Variants in EML2 observed in about 807,000 individuals in gnomAD.
EML2 encodes EMAP like 2.
Under a neutral mutation model 84.7 loss-of-function variants are expected in EML2, and 59 were observed. The ratio of observed to expected loss-of-function variants is 0.70; its 90% CI spans 0.56 to 0.86. The LOEUF is 0.86. Among genes scored for constraint, EML2 ranks in the 40% least tolerant of loss-of-function variants. EML2 has a pLI of 0.00. For missense variants in EML2, 818 were observed against 855.6 expected (o/e 0.96, Z 0.55); for synonymous variants, 352 against 348.9 (o/e 1.01, Z -0.10).
chr19:45,630,091 G>A (rs1972843828), intron 6 of EML2, 45 bp from the exon 7 acceptor site: 1 of 1,442,836 alleles, frequency 6.9e-7, no homozygotes, highest in Non-Finnish European at 9.7e-7. Context: ...AGGGGAGTCA[G>A]GGCCCATCCT....
In EML2 at chr19:45,616,787, G is replaced by C; in HGVS notation, c.1389C>G (p.Ile463Met). ...VAIHTDGNEQ[I>M]SVVSFSPDGA... ...TACCTGGGGAGAAGCTGACCACTGA[G>C]ATCTGTTCATTGCCGTCTGTGTGGA... is the stretch of plus-strand genomic sequence containing the variant. The change falls in exon 14 of 19, where the codon ATC becomes ATG. Residue 463 changes from isoleucine (I) to methionine (M), a missense_variant. Transcript: ENST00000245925. 6.2e-7 allele frequency: 1 copy of C among 1,613,346 alleles called. No individual in the cohort carries two copies. The highest frequency in any genetic ancestry group is 8.5e-7 in the Non-Finnish European group (1 of 1,179,900).
At chr19:45,632,740 A>C in intron 6 of EML2, 121 bp downstream of exon 6, 1 of 808,296 alleles carries the variant, frequency 1.2e-6, no homozygotes, top group Non-Finnish European at 2.0e-6. Flanking sequence ...GACGTCACAG[A>C]GGCGGGCCAC....
intron 9 of EML2, among the ~76,000 whole-genome samples, 192 bp from the exon 10 acceptor site, chr19:45,621,829 C>G (rs1186908321): frequency 6.6e-6 from 1 of 151,930 alleles, no homozygotes; most frequent in Admixed American, 6.6e-5. Flanking sequence ...ACTTCAGCCT[C>G]TGCCTCTTGG....
At chr19:45,618,146 C>G (rs1971291870) in intron 12 of EML2, among the ~76,000 whole-genome samples, 2 of 152,108 alleles carry the variant, frequency 1.3e-5, no homozygotes. Flanking sequence ...TCACTACAAC[C>G]TCCGCCTCCT....
intron 17 of EML2, among the ~76,000 whole-genome samples, chr19:45,614,348 C>G (rs544489001): frequency 6.6e-6 from 1 of 152,326 alleles, no homozygotes; most frequent in East Asian, 1.9e-4. Flanking sequence ...TTCATTCGTG[C>G]CTGAATGAAT....
At chr19:45,643,439 C>A, upstream of EML2, 1 of 1,036,120 alleles carries the variant, frequency 9.7e-7, no homozygotes. Context: ...TACCCCGCGC[C>A]CCAGATTTGG....
At chr19:45,630,595 CA>C (rs1972918613) in intron 6 of EML2, among the ~76,000 whole-genome samples, 2 of 150,054 alleles carry the variant, frequency 1.3e-5, no homozygotes, top group African/African-American at 4.9e-5. Flanking sequence ...GGCCATTTTG[CA>C]GGAAACACAT....
chr19:45,626,662 CCTCT>C (rs1276760346), intron 8 of EML2, 39 bp downstream of exon 8: 2 of 1,580,320 alleles, frequency 1.3e-6, no homozygotes, highest in Admixed American at 1.7e-5. Flanking sequence ...TCCCTAACTA[CCTCT>C]CTCAGGGCCA....
At position 45,621,615 on chromosome 19, in the gene EML2, C is replaced by T. The variant is rs199582284; in HGVS notation, c.864G>A (p.Ala288=). 1.8e-4 allele frequency: 289 copies of T among 1,609,124 alleles called. No homozygotes were observed. Among genetic ancestry groups the T allele is most frequent in the Non-Finnish European group, 2.1e-4 (252 of 1,179,718 alleles). The stretch of plus-strand genomic sequence containing the variant: ...CGCCGCCGTCGTGGGCGCCCAGCAC[C>T]GCCTGTGTGATACGGTTCCCACCTG... ...WGKGGNRITQ[A]VLGAHDGGVF... The change falls in exon 10 of 19, where the codon GCG becomes GCA. Residue 288 remains alanine (A), a synonymous_variant. Transcript: ENST00000245925.
At chr19:45,642,605 C>T (rs1331996806), upstream of EML2, 3 of 1,152,166 alleles carry the variant, frequency 2.6e-6, no homozygotes, top group East Asian at 3.3e-5. Context: ...GGGGAAGTCC[C>T]TTCCCTCTTA....
At chr19:45,614,010 G>C (rs756723225) in intron 17 of EML2, among the ~76,000 whole-genome samples, 3 of 152,166 alleles carry the variant, frequency 2.0e-5, no homozygotes, top group Non-Finnish European at 4.4e-5. Context: ...GCCAAGTTCT[G>C]TGTCACGCGT....
rs535561853 is a variant in EML2 at position 45,621,530 on chromosome 19, G to A, written c.949C>T (p.Arg317Trp). 7 of 1,612,694 alleles carry A rather than the reference G, an allele frequency of 4.3e-6. No homozygotes were observed. The highest frequency in any genetic ancestry group is 1.6e-4 in the Middle Eastern group (1 of 6,062). Reference protein sequence around the residue: ...TLVSGGGRDRRVVLWGSDYSK... With the variant: ...TLVSGGGRDRWVVLWGSDYSK... The stretch of plus-strand genomic sequence containing the variant: ...TAGTCAGAACCCCAGAGGACCACCC[G>A]CCGATCACGGCCCCCTCCAGACACC... The change falls in exon 10 of 19, where the codon CGG becomes TGG. Residue 317 changes from arginine (R) to tryptophan (W), a missense_variant. By Grantham distance (101) the Arg-to-Trp change is moderately radical. Coordinates refer to ENST00000245925, the MANE Select transcript of EML2 (RefSeq NM_012155.4).
chr19:45,637,977 T>A (rs565431505), intron 3 of EML2, among the ~76,000 whole-genome samples: 2 of 152,064 alleles, frequency 1.3e-5, no homozygotes, highest in African/African-American at 4.8e-5. Context: ...GCGCCCGGCC[T>A]GCTATTTTAT....
intron 4 of EML2, among the ~76,000 whole-genome samples, chr19:45,633,734 T>A (rs1973359305): frequency 6.6e-6 from 1 of 150,998 alleles, no homozygotes; most frequent in Admixed American, 6.6e-5. Context: ...TGAGACTAGT[T>A]CTCAAAAAAA....
Position 45,634,329 on chromosome 19 carries a change from T to A in EML2, c.322A>T (p.Ile108Phe). The A allele has an allele frequency of 6.2e-7, 1 of 1,613,200 alleles. No individual in the cohort carries two copies. The highest frequency in any genetic ancestry group is 1.1e-5 in the South Asian group (1 of 91,080). Reference protein sequence around the residue: ...QRHYLGHNDDIKCLAIHPDMV... With the variant: ...QRHYLGHNDDFKCLAIHPDMV... Reference sequence around the variant, plus strand: ...CTCTGTCCCACATCTCACCATTTGATGTCATCGTTGTGTCCCAGGTAGTGT... The same window carrying A: ...CTCTGTCCCACATCTCACCATTTGAAGTCATCGTTGTGTCCCAGGTAGTGT... The change falls in exon 4 of 19, where the codon ATC becomes TTC. Residue 108 changes from isoleucine (I) to phenylalanine (F), a missense_variant. Physicochemically the swap from Ile to Phe is conservative, Grantham distance 21 (BLOSUM62 0). Transcript: ENST00000245925.
chr19:45,641,397 A>AGAACT (rs1600242938), upstream of EML2: 1 of 508,990 alleles, frequency 2.0e-6, no homozygotes, highest in East Asian at 3.5e-5. Flanking sequence ...CTCACCCAGT[A>AGAACT]GACCTGACCG....
chr19:45,616,617 A>T (rs1333708876), intron 14 of EML2, 59 bp from the exon 15 acceptor site: 1 of 1,464,526 alleles, frequency 6.8e-7, no homozygotes, highest in Non-Finnish European at 9.5e-7. Flanking sequence ...CTCCTCGCCC[A>T]GACTCAGCCC....
In EML2 at chr19:45,621,436, C is replaced by CGG. The variant is rs752065381; in HGVS notation, c.996+45_996+46dup. Reference sequence around the variant, plus strand: ...CTGGCGTTGGGAGCCCTGGTGAGATCGGGGGGGGCCTCTCTACCCCCATCT... The same window carrying CGG: ...CTGGCGTTGGGAGCCCTGGTGAGATCGGGGGGGGGGCCTCTCTACCCCCATCT... On this transcript the variant is annotated intron_variant, in intron 10 of 18. Transcript: ENST00000245925. 1.9e-6 allele frequency: 3 copies of CGG among 1,583,988 alleles called. No homozygotes were observed. In the African/African-American group the frequency reaches 4.0e-5, roughly 21 times the overall value.
intron 9 of EML2, among the ~76,000 whole-genome samples, chr19:45,622,423 G>C: frequency 6.6e-6 from 1 of 151,696 alleles, no homozygotes; most frequent in East Asian, 1.9e-4. Context: ...GCTTTGTTTT[G>C]TTTTGTTTTG....
Sources: gnomAD v4.1 joint callset for allele counts (sites outside exome capture counted in the v4.1 genomes callset) on GRCh38, gnomAD v4.1.1 for gene constraint, MANE v1.5 for transcripts, NCBI Gene and HGNC (gene_info 2026-07-23, HGNC 2026-07-21) for gene names.